ANOS1: variants seen among roughly 807,000 people sequenced by gnomAD.
ANOS1 encodes the protein anosmin 1, also known as anosmin-1.
In ANOS1, 6 loss-of-function variants were observed where a neutral mutation model predicts 59.0. The observed-to-expected ratio is 0.10, with a 90% CI of 0.06 to 0.20. The LOEUF (loss-of-function observed/expected upper bound fraction) is 0.20. Among genes scored for constraint, ANOS1 ranks in the 10% least tolerant of loss-of-function variants. ANOS1 has a pLI of 1.00. For missense variants in ANOS1, 433 were observed against 542.3 expected (o/e 0.80, Z 2.00); for synonymous variants, 217 against 223.4 (o/e 0.97, Z 0.25).
rs150767638 is a variant in ANOS1 at position 8,585,268 on chromosome X, T to C, written c.855A>G (p.Lys285=). Reference sequence around the variant, plus strand: ...TCTGGGAAGAAAAGGAAGACTGACCTTTGGAAGAACGGAAGTGTTTGCTGG... The same window carrying C: ...TCTGGGAAGAAAAGGAAGACTGACCCTTGGAAGAACGGAAGTGTTTGCTGG... ...TAPSKHFRSS[K]DPSAPPAPAN... Residue 285 remains lysine (K), a splice_region_variant and synonymous_variant, in exon 6 of 14, where the codon AAA becomes AAG. Transcript: ENST00000262648. 1.7e-6 allele frequency: 2 copies of C among 1,209,009 alleles called. No individual in the cohort carries two copies. The highest frequency in any genetic ancestry group is 3.5e-5 in the African/African-American group (2 of 57,047).
chrX:8,636,302 T>G (rs1931572003), intron 2 of ANOS1, among the ~76,000 whole-genome samples: 1 of 111,888 alleles, frequency 8.9e-6, no homozygotes, highest in African/African-American at 3.3e-5. Context: ...CCTGTGCTAA[T>G]GACCTTACAA....
chrX:8,619,095 A>G (rs1931231107), intron 3 of ANOS1, among the ~76,000 whole-genome samples: 1 of 96,637 alleles, frequency 1.0e-5, no homozygotes, highest in Admixed American at 1.2e-4. Context: ...AAAAAAAAAA[A>G]AAAAAAGAAA....
intron 2 of ANOS1, among the ~76,000 whole-genome samples, chrX:8,669,322 T>C (rs1431579430): frequency 1.8e-5 from 2 of 111,780 alleles, no homozygotes; most frequent in Non-Finnish European, 3.8e-5. Flanking sequence ...CTTTATGCAT[T>C]TGTCAAACAC....
In ANOS1 at chrX:8,659,420, CTT is replaced by C. The variant is rs200180555; in HGVS notation, c.256-35752_256-35751del. 6.4e-5 allele frequency among the ~76,000 whole-genome samples: 7 copies of C among 108,573 alleles called. No individual in the cohort carries two copies. The East Asian group carries it at 8.9e-4, about 14-fold the overall frequency. 94.3% of individuals were successfully genotyped at this position (108,573 alleles called of 115,157 possible). On this transcript the variant is annotated intron_variant, in intron 2 of 13. Coordinates refer to ENST00000262648, the MANE Select transcript of ANOS1 (RefSeq NM_000216.4). ...AGTGAGACTCTTTCTCTCTCTCTCTCTTTCTTTTTCTTTCTTTCTTCCTTCCT... is the reference window on the plus strand; with the variant it reads ...AGTGAGACTCTTTCTCTCTCTCTCTCTCTTTTTCTTTCTTTCTTCCTTCCT...
chrX:8,564,185 G>T (rs1002501325), intron 8 of ANOS1, among the ~76,000 whole-genome samples: 8 of 111,861 alleles, frequency 7.2e-5, no homozygotes, highest in Non-Finnish European at 1.5e-4. Context: ...AAACATACAA[G>T]GGTCAAGATG....
At chrX:8,566,322 T>A in intron 8 of ANOS1, 1 of 614,848 alleles carries the variant, frequency 1.6e-6, no homozygotes, top group South Asian at 8.4e-5. Flanking sequence ...CTAGGAATAA[T>A]GTATGTGTGT....
chrX:8,664,764 G>C (rs1375086123), intron 2 of ANOS1, among the ~76,000 whole-genome samples: 1 of 111,342 alleles, frequency 9.0e-6, no homozygotes, highest in African/African-American at 3.3e-5. Flanking sequence ...TCTCCTCCTG[G>C]TAAAATCTCA....
rs184043423 is a variant in ANOS1, at chrX:8,551,283, A to T, written c.1354+2669T>A. ...ACCTTTGTATGAAAAAGGATTTCCT[A>T]ACCAGGACATAGAGAATACTAAACC... On this transcript the variant is annotated intron_variant, in intron 9 of 13. Transcript: ENST00000262648. 2.7e-3 allele frequency among the ~76,000 whole-genome samples: 302 copies of T among 112,398 alleles called. 2 individuals carry two copies. The highest frequency in any genetic ancestry group is 9.4e-3 in the African/African-American group (291 of 30,902).
At chrX:8,537,896 T>C (rs965766525) in intron 10 of ANOS1, among the ~76,000 whole-genome samples, 4 of 110,723 alleles carry the variant, frequency 3.6e-5, no homozygotes, top group Admixed American at 1.9e-4. Context: ...GGGAAAAACA[T>C]GAGACAAGAA....
chrX:8,720,966 G>C (rs769778021), intron 1 of ANOS1, among the ~76,000 whole-genome samples: 92 of 111,515 alleles, frequency 8.3e-4, no homozygotes, highest in African/African-American at 2.9e-3. Context: ...AATTGTTTTG[G>C]AGGCAAGAAG....
intron 2 of ANOS1, among the ~76,000 whole-genome samples, chrX:8,679,887 T>C (rs142067725): frequency 0.057 from 6,297 of 110,658 alleles, 444 homozygotes; most frequent in African/African-American, 0.2. Context: ...AACTAAATTG[T>C]GAATACTGAA....
At chrX:8,702,727 C>T (rs967512138) in intron 1 of ANOS1, among the ~76,000 whole-genome samples, 2 of 112,253 alleles carry the variant, frequency 1.8e-5, no homozygotes, top group Non-Finnish European at 1.9e-5. Context: ...AAGGACGACA[C>T]CTGTCTGAGC....
intron 2 of ANOS1, among the ~76,000 whole-genome samples, chrX:8,695,955 C>G (rs1932679886): frequency 8.9e-6 from 1 of 111,747 alleles, no homozygotes; most frequent in African/African-American, 3.3e-5. Flanking sequence ...TGAAGGTGGT[C>G]ATTCCAAGAT....
Position 8,589,715 on chromosome X carries a change from C to T in ANOS1, c.542-1737G>A, listed in dbSNP as rs113167634. ...TGCATAACCATAGCAATGGGGGTAC[C>T]TAGACTTGGATGATTAGCATACTGC... is the stretch of plus-strand genomic sequence containing the variant. On this transcript the variant is annotated intron_variant, in intron 4 of 13. Coordinates refer to ENST00000262648, the MANE Select transcript of ANOS1 (RefSeq NM_000216.4). Among the ~76,000 whole-genome samples, 371 of 111,847 alleles carry T rather than the reference C, an allele frequency of 3.3e-3. 5 individuals carry two copies. The highest frequency in any genetic ancestry group is 0.011 in the African/African-American group (354 of 30,804).
At chrX:8,706,695 C>T (rs1218894577) in intron 1 of ANOS1, among the ~76,000 whole-genome samples, 1 of 111,436 alleles carries the variant, frequency 9.0e-6, no homozygotes, top group Middle Eastern at 4.6e-3. Flanking sequence ...TTGCTGTGAA[C>T]CTAAAACTGC....
chrX:8,660,213 C>G (rs1203974657), intron 2 of ANOS1, among the ~76,000 whole-genome samples: 1 of 111,418 alleles, frequency 9.0e-6, no homozygotes, highest in Non-Finnish European at 1.9e-5. Context: ...GTTCCATACA[C>G]ACAAAAACTT....
intron 3 of ANOS1, among the ~76,000 whole-genome samples, chrX:8,613,944 C>A (rs371985733): frequency 7.8e-4 from 88 of 112,336 alleles, no homozygotes; most frequent in African/African-American, 2.8e-3. Flanking sequence ...CCTGGCCACA[C>A]CATATACCTA....
At chrX:8,706,503 T>TA (rs1310305440) in intron 1 of ANOS1, among the ~76,000 whole-genome samples, 1 of 112,079 alleles carries the variant, frequency 8.9e-6, no homozygotes, top group African/African-American at 3.2e-5. Flanking sequence ...TCCAAACCCA[T>TA]AGACCATACA....
intron 1 of ANOS1, among the ~76,000 whole-genome samples, chrX:8,731,025 G>GCA (rs1932971202): frequency 2.7e-5 from 3 of 111,750 alleles, no homozygotes; most frequent in Non-Finnish European, 5.7e-5. Context: ...AAGCGCGCGC[G>GCA]CACACACACA....
Sources: allele counts gnomAD v4.1 joint callset (sites outside exome capture counted in the v4.1 genomes callset), GRCh38; gene constraint gnomAD v4.1.1; transcripts MANE v1.5; gene names NCBI Gene and HGNC (gene_info 2026-07-23, HGNC 2026-07-21).